ANKFN1: variants seen among roughly 807,000 people sequenced by gnomAD.
The protein encoded by ANKFN1 is ankyrin repeat and fibronectin type III domain containing 1.
In ANKFN1, 74 loss-of-function variants were observed where a neutral mutation model predicts 108.7. The observed-to-expected ratio is 0.68, with a 90% CI of 0.56 to 0.83. ANKFN1 has a LOEUF of 0.83. ANKFN1 is among the 40% of genes least tolerant of loss of function. ANKFN1 has a pLI of 0.00. For missense variants in ANKFN1, 1,505 were observed against 1,382.3 expected, an observed-to-expected ratio of 1.09 and a Z score of -1.41; for synonymous variants, 547 against 516.2, an observed-to-expected ratio of 1.06 and a Z score of -0.81.
rs1361970929 is a variant in ANKFN1 at position 56,234,296 on chromosome 17, C to G, written c.53+6339C>G. ...AAAGCATAGGTAATTTAAAATGCAG[C>G]AAAATAATTAAGAAGTGATGAGTTT... On this transcript the variant is annotated intron_variant, in intron 3 of 20. Transcript: ENST00000682825. 2.6e-5 allele frequency among the ~76,000 whole-genome samples: 4 copies of G among 151,044 alleles called. No individual in the cohort carries two copies. In the South Asian group the frequency reaches 8.3e-4, roughly 31 times the overall value.
rs1274738510 is a variant in ANKFN1, at chr17:56,516,958, C to T, written c.*5689C>T. ...TGCTGTTTAAGGGACAGTTTCCAAG[C>T]CCATTTGTCTTAAGTGTGGAAAAAT... is the stretch of plus-strand genomic sequence containing the variant. On this transcript the variant is annotated 3_prime_UTR_variant, in exon 21 of 21. Coordinates refer to ENST00000682825, the MANE Select transcript of ANKFN1 (RefSeq NM_001370326.1). Among the ~76,000 whole-genome samples the T allele has an allele frequency of 6.6e-6, 1 of 151,996 alleles. No individual in the cohort carries two copies. The highest frequency in any genetic ancestry group is 1.5e-5 in the Non-Finnish European group (1 of 67,996).
intron 3 of ANKFN1, among the ~76,000 whole-genome samples, chr17:56,318,055 G>A (rs1567909029): frequency 6.6e-6 from 1 of 152,104 alleles, no homozygotes; most frequent in Non-Finnish European, 1.5e-5. Flanking sequence ...AGACCACAAA[G>A]GCAGGAAATA....
chr17:56,086,788 A>G (rs1051774050), intron 4 of ANKFN1, among the ~76,000 whole-genome samples: 1 of 151,422 alleles, frequency 6.6e-6, no homozygotes, highest in African/African-American at 2.4e-5. Context: ...TTCTAGCTCC[A>G]TGCCTAGTGC....
intron 6 of ANKFN1, among the ~76,000 whole-genome samples, chr17:56,363,622 C>A (rs1219068232): frequency 6.6e-6 from 1 of 152,168 alleles, no homozygotes; most frequent in Non-Finnish European, 1.5e-5. Flanking sequence ...TCTGCACTTC[C>A]ATGTTCACTG....
chr17:56,493,425 GA>G (rs1457655386), intron 19 of ANKFN1, among the ~76,000 whole-genome samples: 5 of 152,142 alleles, frequency 3.3e-5, no homozygotes, highest in African/African-American at 9.7e-5. Flanking sequence ...CATTCAAAGA[GA>G]AAGTATAAAC....
At chr17:56,288,885 C>T (rs1263950788) in intron 3 of ANKFN1, among the ~76,000 whole-genome samples, 1 of 152,172 alleles carries the variant, frequency 6.6e-6, no homozygotes, top group Non-Finnish European at 1.5e-5. Context: ...TATACGTGCT[C>T]CTGGGTCATT....
At chr17:56,155,039 C>G (rs529204068) in intron 1 of ANKFN1, among the ~76,000 whole-genome samples, 26 of 152,284 alleles carry the variant, frequency 1.7e-4, no homozygotes, top group Admixed American at 1.2e-3. Flanking sequence ...TTCATGCCCC[C>G]CTCAACCCTG....
At chr17:56,114,691 G>A (rs1211923886) in intron 4 of ANKFN1, among the ~76,000 whole-genome samples, 2 of 152,124 alleles carry the variant, frequency 1.3e-5, no homozygotes, top group African/African-American at 2.4e-5. Flanking sequence ...GGGTCACATG[G>A]CAAAGGGGAA....
intron 3 of ANKFN1, among the ~76,000 whole-genome samples, chr17:56,247,520 T>C (rs966212513): frequency 6.6e-6 from 1 of 152,168 alleles, no homozygotes; most frequent in African/African-American, 2.4e-5. Context: ...GTTTTGAGCA[T>C]TTATTAGGTG....
At chr17:56,133,255 G>T (rs370297254) in intron 4 of ANKFN1, among the ~76,000 whole-genome samples, 3 of 152,208 alleles carry the variant, frequency 2.0e-5, no homozygotes, top group East Asian at 3.9e-4. Flanking sequence ...TTCCTCAAGT[G>T]AACAGGTTCA....
intron 3 of ANKFN1, among the ~76,000 whole-genome samples, chr17:56,311,087 G>T (rs2045009573): frequency 6.6e-6 from 1 of 151,570 alleles, no homozygotes; most frequent in African/African-American, 2.4e-5. Flanking sequence ...TATACATGTT[G>T]TCACAAATAA....
intron 8 of ANKFN1, among the ~76,000 whole-genome samples, chr17:56,428,908 G>T (rs1318302038): frequency 1.3e-5 from 2 of 150,348 alleles, no homozygotes; most frequent in African/African-American, 4.9e-5. Context: ...AGAGAGAAGT[G>T]ACTCTCATTT....
chr17:56,392,180 C>T (rs571314502), intron 8 of ANKFN1, among the ~76,000 whole-genome samples: 2 of 152,210 alleles, frequency 1.3e-5, no homozygotes, highest in Admixed American at 1.3e-4. Flanking sequence ...AACTGAGATA[C>T]AAGGAGGTTA....
At chr17:56,148,260 A>G (rs1908383879) in intron 4 of ANKFN1, among the ~76,000 whole-genome samples, 1 of 152,232 alleles carries the variant, frequency 6.6e-6, no homozygotes, top group South Asian at 2.1e-4. Context: ...ATGGAAGGTA[A>G]CATTTATTGC....
At chr17:56,055,600 C>CACATATATAT (rs1567778636) in intron 4 of ANKFN1, among the ~76,000 whole-genome samples, 3 of 33,578 alleles carry the variant, frequency 8.9e-5, no homozygotes, top group African/African-American at 3.9e-4. Flanking sequence ...TATATATACA[C>CACATATATAT]ATTTTTTTAT....
At chr17:56,102,503 T>C (rs1201593239) in intron 4 of ANKFN1, among the ~76,000 whole-genome samples, 1 of 152,218 alleles carries the variant, frequency 6.6e-6, no homozygotes, top group East Asian at 1.9e-4. Context: ...ATGGTATTAA[T>C]CTGGAGTTCA....
intron 1 of ANKFN1, among the ~76,000 whole-genome samples, chr17:56,193,522 T>C (rs1913204616): frequency 1.3e-5 from 2 of 149,792 alleles, no homozygotes; most frequent in Non-Finnish European, 3.0e-5. Context: ...ATTTGTAGCG[T>C]TTTAAAAAAA....
At chr17:56,406,419 T>A (rs1366292355) in intron 8 of ANKFN1, among the ~76,000 whole-genome samples, 7 of 152,128 alleles carry the variant, frequency 4.6e-5, no homozygotes, top group Non-Finnish European at 8.8e-5. Context: ...GAGGGTGAAT[T>A]TCATGAAGCA....
intron 2 of ANKFN1, among the ~76,000 whole-genome samples, chr17:56,222,666 A>G (rs1008933336): frequency 3.7e-4 from 57 of 152,344 alleles, no homozygotes; most frequent in African/African-American, 1.3e-3. Context: ...CTTGAAGTTC[A>G]GGTGGAAGAT....
Sources: gnomAD v4.1 joint callset for allele counts (sites outside exome capture counted in the v4.1 genomes callset) on GRCh38, gnomAD v4.1.1 for gene constraint, MANE v1.5 for transcripts, NCBI Gene and HGNC (gene_info 2026-07-23, HGNC 2026-07-21) for gene names.